Variants in EVI5 observed in about 807,000 individuals in gnomAD.
EVI5 encodes ecotropic viral integration site 5.
In EVI5, 73 loss-of-function variants were observed where a neutral mutation model predicts 112.0. The observed-to-expected ratio is 0.65, with a 90% CI of 0.54 to 0.79. The LOEUF is 0.79. EVI5 is among the 30% of genes least tolerant of loss of function. EVI5 has a pLI of 0.00. For synonymous variants in EVI5, 305 were observed against 319.9 expected (o/e 0.95, Z 0.50); for missense variants, 900 against 968.8 (o/e 0.93, Z 0.94).
chr1:92,747,307 T>C (rs1006978932), intron 1 of EVI5, among the ~76,000 whole-genome samples: 1 of 152,134 alleles, frequency 6.6e-6, no homozygotes, highest in Non-Finnish European at 1.5e-5. Context: ...TCCATGGTAG[T>C]ATGAGGGCAG....
upstream of EVI5, among the ~76,000 whole-genome samples, chr1:92,788,796 C>T (rs948293110): frequency 6.6e-6 from 1 of 151,908 alleles, no homozygotes; most frequent in Non-Finnish European, 1.5e-5. Context: ...TCTGTCTCAA[C>T]AGCAACAACA....
intron 2 of EVI5, among the ~76,000 whole-genome samples, chr1:92,721,237 T>C (rs890208295): frequency 3.3e-5 from 5 of 152,224 alleles, no homozygotes; most frequent in South Asian, 2.1e-4. Context: ...CGTATGTTTA[T>C]TGCGGCACTA....
At position 92,605,372 on chromosome 1, in the gene EVI5, G is replaced by A. The variant is rs199524271; in HGVS notation, c.2005C>T (p.Arg669Trp). The A allele has an allele frequency of 1.1e-5, 17 of 1,613,034 alleles. No individual in the cohort carries two copies. The highest frequency in any genetic ancestry group is 2.2e-5 in the East Asian group (1 of 44,888). The change falls in exon 18 of 20, where the codon CGG (arginine) becomes TGG (tryptophan). Residue 669 changes from arginine to tryptophan, a missense_variant. Arg to Trp is a moderately radical substitution (Grantham distance 101, BLOSUM62 -3). Transcript: ENST00000684568. ...ACAGCAGCTATGCTATCTGCTTCCC[G>A]AAGCCTCACAGCCATCACTTCTTCC... ...NKEEVMAVRL[R>W]EADSIAAVAE...
At chr1:92,677,097 A>G in intron 10 of EVI5, 61 bp downstream of exon 10, 1 of 984,534 alleles carries the variant, frequency 1.0e-6, no homozygotes, top group Admixed American at 2.1e-5. Context: ...AACTTTAAAC[A>G]TCTACTGTCC....
chr1:92,656,203 T>C (rs1662969797), intron 13 of EVI5, among the ~76,000 whole-genome samples: 1 of 152,138 alleles, frequency 6.6e-6, no homozygotes. Context: ...AGTCTCTTCT[T>C]GGACCACAGT....
chr1:92,691,333 A>C (rs904064744), intron 9 of EVI5, among the ~76,000 whole-genome samples: 8 of 152,194 alleles, frequency 5.3e-5, no homozygotes, highest in African/African-American at 1.9e-4. Context: ...ACTTTGAAAA[A>C]AATAAATATG....
chr1:92,550,206 A>T (rs958818619), intron 19 of EVI5, among the ~76,000 whole-genome samples: 3 of 152,060 alleles, frequency 2.0e-5, no homozygotes, highest in African/African-American at 7.2e-5. Flanking sequence ...AGGGACACGG[A>T]TGAAGCTGGA....
At chr1:92,762,463 TAATA>T (rs1269626390) in intron 1 of EVI5, among the ~76,000 whole-genome samples, 2 of 152,220 alleles carry the variant, frequency 1.3e-5, no homozygotes, top group Non-Finnish European at 2.9e-5. Context: ...CTTAGCTAAT[TAATA>T]AATGATAGAG....
chr1:92,668,985 T>G (rs1665391919), intron 10 of EVI5, among the ~76,000 whole-genome samples: 1 of 152,204 alleles, frequency 6.6e-6, no homozygotes, highest in African/African-American at 2.4e-5. Flanking sequence ...AAATTCTCAT[T>G]CTACAATTAA....
Position 92,702,129 on chromosome 1 carries a change from A to G in EVI5, c.639+12T>C. 1 of 1,351,280 alleles carries G rather than the reference A, an allele frequency of 7.4e-7. No individual in the cohort carries two copies. Among genetic ancestry groups the G allele is most frequent in the Non-Finnish European group, 1.0e-6 (1 of 983,420 alleles). The allele number at this position is 1,351,280 out of a possible 1,614,324, so 83.7% of individuals were successfully genotyped here. A position where few individuals can be genotyped will look rare whatever the true frequency, so the allele number is the denominator to read the frequency against. On this transcript the variant is annotated intron_variant, in intron 5 of 19. Transcript: ENST00000684568. The stretch of plus-strand genomic sequence containing the variant: ...AAATTTCATTGGACATTTAATACTT[A>G]TATTAACTTACCTGCATAAGCAACA...
chr1:92,770,457 A>G (rs549770084), intron 1 of EVI5, among the ~76,000 whole-genome samples: 13 of 152,212 alleles, frequency 8.5e-5, no homozygotes, highest in Non-Finnish European at 1.9e-4. Flanking sequence ...AAGTATAACT[A>G]CTGGGACAAG....
chr1:92,651,801 AG>A (rs1238953314), intron 13 of EVI5, among the ~76,000 whole-genome samples: 32 of 144,904 alleles, frequency 2.2e-4, no homozygotes, highest in African/African-American at 8.1e-4. Context: ...CAGTGAGCCG[AG>A]ATCCCGCCAC....
At chr1:92,785,496 C>T (rs1685537283), upstream of EVI5, among the ~76,000 whole-genome samples, 2 of 152,214 alleles carry the variant, frequency 1.3e-5, 1 homozygote, top group South Asian at 4.1e-4. Context: ...CCGAGCTCCC[C>T]CAGAGGTGGC....
At chr1:92,642,144 T>A (rs1188991925) in intron 13 of EVI5, among the ~76,000 whole-genome samples, 1 of 151,932 alleles carries the variant, frequency 6.6e-6, no homozygotes, top group Non-Finnish European at 1.5e-5. Context: ...AAAAAAAAAT[T>A]GTTGAAAAAT....
chr1:92,512,871 G>A lies in EVI5; in HGVS notation c.*785C>T, dbSNP rs1362520088. ...GACACAAACAGACAAGGTAGGCTGG[G>A]TGCAGTGGCTCACACCTGTAATCCC... On this transcript the variant is annotated 3_prime_UTR_variant, in exon 20 of 20. Coordinates refer to ENST00000684568, the MANE Select transcript of EVI5 (RefSeq NM_001350197.2). The A allele has an allele frequency of 6.6e-6, 1 of 151,950 alleles. No individual in the cohort carries two copies. The highest frequency in any genetic ancestry group is 1.5e-5 in the Non-Finnish European group (1 of 67,976). 9.4% of individuals were successfully genotyped at this position (151,950 alleles called of 1,614,324 possible).
chr1:92,578,258 T>G (rs960342150), intron 18 of EVI5, among the ~76,000 whole-genome samples: 1 of 152,238 alleles, frequency 6.6e-6, no homozygotes, highest in Non-Finnish European at 1.5e-5. Context: ...TACCCCCATA[T>G]GGTGGATTCT....
At chr1:92,714,570 A>G (rs1449537304) in intron 2 of EVI5, among the ~76,000 whole-genome samples, 1 of 152,176 alleles carries the variant, frequency 6.6e-6, no homozygotes, top group African/African-American at 2.4e-5. Flanking sequence ...ACTAAAGCTT[A>G]GTGTTTGTCA....
At position 92,702,215 on chromosome 1, in the gene EVI5, C is replaced by A. The variant is rs752893341; in HGVS notation, c.565G>T (p.Ala189Ser). The A allele has an allele frequency of 1.3e-6, 2 of 1,509,264 alleles. No homozygotes were observed. The highest frequency in any genetic ancestry group is 1.3e-5 in the South Asian group (1 of 77,882). The allele number at this position is 1,509,264 out of a possible 1,614,324, so 93.5% of individuals were successfully genotyped here. ...ACCTCACGATCTACTAAAGAGTAAG[C>A]CTAAAAAGTAAAAAAAAGTTGTTCA... Reference protein sequence around the residue: ...GQEVLFNVMKAYSLVDREVGY... With the variant: ...GQEVLFNVMKSYSLVDREVGY... Residue 189 changes from alanine to serine, a missense_variant and splice_region_variant, in exon 5 of 20, where the codon GCT becomes TCT. Coordinates refer to ENST00000684568, the MANE Select transcript of EVI5 (RefSeq NM_001350197.2).
intron 1 of EVI5, among the ~76,000 whole-genome samples, chr1:92,764,871 G>A (rs941060540): frequency 2.6e-5 from 4 of 152,008 alleles, no homozygotes; most frequent in Admixed American, 2.6e-4. Context: ...CTGTGTATCC[G>A]AAATAAGTTT....
Sources: gnomAD v4.1 joint callset for allele counts (sites outside exome capture counted in the v4.1 genomes callset) on GRCh38, gnomAD v4.1.1 for gene constraint, MANE v1.5 for transcripts, NCBI Gene and HGNC (gene_info 2026-07-23, HGNC 2026-07-21) for gene names.